CAST: variants seen among roughly 807,000 people sequenced by gnomAD.
The protein encoded by CAST is calpastatin.
CAST carries 76 observed loss-of-function variants against 119.6 expected under a neutral mutation model. That is an observed-to-expected ratio of 0.64 (90% CI 0.53 to 0.77). The LOEUF (loss-of-function observed/expected upper bound fraction) is 0.77, where lower values mean the gene tolerates loss of function less well. CAST is among the 30% of genes least tolerant of loss of function. CAST has a pLI of 0.00. For synonymous variants in CAST, 319 were observed against 331.6 expected (o/e 0.96, Z 0.41); for missense variants, 953 against 946.5 (o/e 1.01, Z -0.09).
chr5:96,234,423 T>C, the CAST span, among the ~76,000 whole-genome samples: 1 of 152,146 alleles, frequency 6.6e-6, no homozygotes, highest in Admixed American at 6.5e-5. Flanking sequence ...ATATTGTCAT[T>C]TGGTAATTGC....
the CAST span, among the ~76,000 whole-genome samples, chr5:96,131,633 T>C: frequency 6.6e-6 from 1 of 152,120 alleles, no homozygotes; most frequent in African/African-American, 2.4e-5. Flanking sequence ...ACCTACTTTT[T>C]ACATTAAGAG....
intron 3 of CAST, among the ~76,000 whole-genome samples, chr5:96,710,148 A>G (rs1172516368): frequency 6.6e-6 from 1 of 152,212 alleles, no homozygotes; most frequent in Non-Finnish European, 1.5e-5. Context: ...GGCTAGCAAT[A>G]TTAGCATCAA....
At chr5:95,983,904 A>T in the CAST span, among the ~76,000 whole-genome samples, 23 of 152,338 alleles carry the variant, frequency 1.5e-4, no homozygotes, top group African/African-American at 5.5e-4. Context: ...AACATATTTC[A>T]GCAGATTTTG....
At chr5:96,652,916 T>A (rs1748111717) in intron 1 of CAST, among the ~76,000 whole-genome samples, 1 of 152,154 alleles carries the variant, frequency 6.6e-6, no homozygotes, top group Non-Finnish European at 1.5e-5. Context: ...GAGAGGTAGC[T>A]AGGCACCAAC....
chr5:96,070,127 C>G, the CAST span, among the ~76,000 whole-genome samples: 2 of 152,222 alleles, frequency 1.3e-5, no homozygotes, highest in East Asian at 3.9e-4. Context: ...TTGGATGAGG[C>G]CCAACAACAT....
At chr5:96,149,673 C>T in the CAST span, among the ~76,000 whole-genome samples, 3 of 152,168 alleles carry the variant, frequency 2.0e-5, no homozygotes, top group African/African-American at 7.2e-5. Context: ...GCCAGTTTCA[C>T]ATCCTGCAAA....
At chr5:96,506,952 A>T in the CAST span, among the ~76,000 whole-genome samples, 1 of 152,218 alleles carries the variant, frequency 6.6e-6, no homozygotes, top group South Asian at 2.1e-4. Context: ...AAAGATTGCT[A>T]TTGAAGAGCA....
chr5:96,533,074 G>A (rs774880631), intron 1 of CAST, among the ~76,000 whole-genome samples: 17 of 151,542 alleles, frequency 1.1e-4, no homozygotes, highest in East Asian at 3.9e-4. Flanking sequence ...TCTTCTTGCC[G>A]ACAAAATAGC....
the CAST span, among the ~76,000 whole-genome samples, chr5:96,035,063 ATT>A: frequency 1.3e-5 from 1 of 76,546 alleles, no homozygotes; most frequent in South Asian, 5.7e-4. Flanking sequence ...ATATATATAT[ATT>A]TAAGTATATA....
At chr5:96,394,882 C>G in the CAST span, 1 of 1,614,124 alleles carries the variant, frequency 6.2e-7, no homozygotes, top group Non-Finnish European at 8.5e-7. Flanking sequence ...GATCCACCAT[C>G]TTCTCCACCC....
the CAST span, among the ~76,000 whole-genome samples, chr5:96,457,092 C>G: frequency 0.031 from 4,738 of 152,202 alleles, 220 homozygotes; most frequent in African/African-American, 0.1. Context: ...CAGACTAATG[C>G]TGGTAGACAG....
At chr5:96,102,601 G>T in the CAST span, among the ~76,000 whole-genome samples, 1 of 152,104 alleles carries the variant, frequency 6.6e-6, no homozygotes, top group African/African-American at 2.4e-5. Context: ...CCAGGGACCC[G>T]CCCCTGCCTG....
At chr5:96,103,717 G>T in the CAST span, among the ~76,000 whole-genome samples, 1 of 151,960 alleles carries the variant, frequency 6.6e-6, no homozygotes, top group Non-Finnish European at 1.5e-5. Context: ...TATATACCCA[G>T]TAATGGGATG....
At chr5:96,677,010 C>T (rs1215322551) in intron 2 of CAST, among the ~76,000 whole-genome samples, 1 of 150,526 alleles carries the variant, frequency 6.6e-6, no homozygotes, top group Non-Finnish European at 1.5e-5. Context: ...GCCGAGATCA[C>T]GCCACTGCAC....
intron 1 of CAST, among the ~76,000 whole-genome samples, chr5:96,601,479 A>G (rs1747151445): frequency 6.6e-6 from 1 of 152,260 alleles, no homozygotes; most frequent in Non-Finnish European, 1.5e-5. Flanking sequence ...TATATTTGAA[A>G]GGATTTTTTT....
At chr5:96,577,145 C>T (rs1746686754) in intron 1 of CAST, among the ~76,000 whole-genome samples, 1 of 152,090 alleles carries the variant, frequency 6.6e-6, no homozygotes, top group African/African-American at 2.4e-5. Context: ...ATCCATGTCC[C>T]AGTTTGTGGT....
At chr5:96,200,588 C>T in the CAST span, among the ~76,000 whole-genome samples, 1 of 152,118 alleles carries the variant, frequency 6.6e-6, no homozygotes, top group Non-Finnish European at 1.5e-5. Context: ...TTTTTAGATA[C>T]AGGATATCCT....
the CAST span, among the ~76,000 whole-genome samples, chr5:96,390,007 CT>C: frequency 6.6e-6 from 1 of 152,178 alleles, no homozygotes; most frequent in African/African-American, 2.4e-5. Context: ...CACTTAGCTG[CT>C]TTACTCTAGC....
At chr5:96,389,511 A>T in the CAST span, among the ~76,000 whole-genome samples, 1 of 152,182 alleles carries the variant, frequency 6.6e-6, no homozygotes, top group Non-Finnish European at 1.5e-5. Context: ...GACTTAGGAG[A>T]AATGAATGGA....
Sources: allele counts gnomAD v4.1 joint callset (sites outside exome capture counted in the v4.1 genomes callset), GRCh38; gene constraint gnomAD v4.1.1; transcripts MANE v1.5; gene names NCBI Gene and HGNC (gene_info 2026-07-23, HGNC 2026-07-21).